The following IPO7 variants were observed in gnomAD, a reference collection of about 807,000 sequenced individuals.
IPO7 encodes the protein importin 7.
Under a neutral mutation model 136.4 loss-of-function variants are expected in IPO7, and 13 were observed. The observed-to-expected ratio is 0.10, with a 90% CI of 0.06 to 0.15. IPO7 has a LOEUF of 0.15. IPO7 is among the 10% of genes least tolerant of loss of function. IPO7 has a pLI of 1.00. For synonymous variants in IPO7, 403 were observed against 404.4 expected, an observed-to-expected ratio of 1.00 and a Z score of 0.04; for missense variants, 857 against 1,240.6, an observed-to-expected ratio of 0.69 and a Z score of 4.65.
chr11:9,392,759 G>A (rs1220090270), intron 1 of IPO7, among the ~76,000 whole-genome samples: 2 of 151,888 alleles, frequency 1.3e-5, no homozygotes, highest in Non-Finnish European at 2.9e-5. Flanking sequence ...GACCAGCCTG[G>A]TCAACATGGC....
chr11:9,440,463 G>A lies in IPO7; in HGVS notation c.2704G>A (p.Gly902Arg), dbSNP rs1381815089. The change falls in exon 23 of 25, where the codon GGG becomes AGG. Residue 902 changes from glycine (G) to arginine (R), a missense_variant. Transcript: ENST00000379719. ...ATATTATGACTTGGCAGAGGAACTGGGGAGTGATGAAGATGATATTGATGA... is the reference window on the plus strand; with the variant it reads ...ATATTATGACTTGGCAGAGGAACTGAGGAGTGATGAAGATGATATTGATGA... Reference protein sequence around the residue: ...AEDDDETEELGSDEDDIDEDG... With the variant: ...AEDDDETEELRSDEDDIDEDG... The A allele has an allele frequency of 6.2e-7, 1 of 1,612,896 alleles. No homozygotes were observed. The highest frequency in any genetic ancestry group is 1.3e-5 in the African/African-American group (1 of 74,900).
intron 22 of IPO7, 50 bp downstream of exon 22, chr11:9,438,335 T>C: frequency 1.7e-6 from 2 of 1,200,344 alleles, no homozygotes; most frequent in Non-Finnish European, 2.5e-6. Context: ...TTAGAAATAT[T>C]ACCGCACTGG....
In IPO7 at chr11:9,397,361, T is replaced by TATATATATTA. The variant is rs377148636; in HGVS notation, c.85-5925_85-5924insATATTAATAT. 3.4e-3 allele frequency among the ~76,000 whole-genome samples: 141 copies of TATATATATTA among 42,042 alleles called. 12 individuals are homozygous for TATATATATTA. The highest frequency in any genetic ancestry group is 0.026 in the Middle Eastern group (2 of 78). The allele number at this position is 42,042 out of a possible 152,430, so 27.6% of individuals were successfully genotyped here. ...AAAAAAATATATATATATATATATA[T>TATATATATTA]ATATTAGTCGGGCACGGTGGCAGGT... is the stretch of plus-strand genomic sequence containing the variant. On this transcript the variant is annotated intron_variant, in intron 1 of 24. Transcript: ENST00000379719.
At position 9,442,063 on chromosome 11, in the gene IPO7, G is replaced by A. The variant is rs752777566; in HGVS notation, c.2903-18G>A. The A allele has an allele frequency of 4.1e-6, 5 of 1,234,378 alleles. No individual in the cohort carries two copies. Among genetic ancestry groups the A allele is most frequent in the African/African-American group, 1.5e-5 (1 of 67,304 alleles). 76.5% of individuals were successfully genotyped at this position (1,234,378 alleles called of 1,614,324 possible). A position where few individuals can be genotyped will look rare whatever the true frequency, so the allele number is the denominator to read the frequency against. On this transcript the variant is annotated intron_variant, in intron 23 of 24. Transcript: ENST00000379719. ...CTCTTATTCATGTTGTTTTTCCCTTGTTTTTATTTTTTGATAGCTATTCAA... is the reference window on the plus strand; with the variant it reads ...CTCTTATTCATGTTGTTTTTCCCTTATTTTTATTTTTTGATAGCTATTCAA...
intron 9 of IPO7, among the ~76,000 whole-genome samples, chr11:9,423,523 A>C (rs1308543246): frequency 6.6e-6 from 1 of 152,172 alleles, no homozygotes; most frequent in Non-Finnish European, 1.5e-5. Flanking sequence ...GAGCTGTAGA[A>C]TTTTATAGAC....
At chr11:9,386,605 T>C (rs1854554998) in intron 1 of IPO7, among the ~76,000 whole-genome samples, 1 of 152,160 alleles carries the variant, frequency 6.6e-6, no homozygotes, top group Non-Finnish European at 1.5e-5. Context: ...GGTTTGCTTC[T>C]ACAAAAATGG....
intron 1 of IPO7, among the ~76,000 whole-genome samples, chr11:9,392,973 G>A (rs1403514586): frequency 6.6e-6 from 1 of 151,778 alleles, no homozygotes; most frequent in African/African-American, 2.4e-5. Flanking sequence ...AAAGTTACGG[G>A]TTTGAAGAGT....
intron 16 of IPO7, among the ~76,000 whole-genome samples, chr11:9,431,405 A>T (rs1855292122): frequency 6.6e-6 from 1 of 151,874 alleles, no homozygotes. Context: ...CATCACTACC[A>T]TCTTCCTAGT....
At chr11:9,439,893 ATT>A (rs1258387939) in intron 22 of IPO7, among the ~76,000 whole-genome samples, 2 of 152,130 alleles carry the variant, frequency 1.3e-5, no homozygotes, top group African/African-American at 4.8e-5. Flanking sequence ...TTTTCATTTT[ATT>A]TTTAAGCTTC....
chr11:9,429,789 T>C lies in IPO7; in HGVS notation c.1707T>C (p.Tyr569=). 1 of 1,605,186 alleles carries C rather than the reference T, an allele frequency of 6.2e-7. No homozygotes were observed. The highest frequency in any genetic ancestry group is 8.5e-7 in the Non-Finnish European group (1 of 1,175,782). The part of the protein sequence containing the change: ...TNVIQKMICE[Y]SEEVTPIAVE... ...TAATTCAGAAAATGATCTGTGAATA[T>C]AGTGAAGAAGTTACTCCTATTGCAG... Residue 569 remains tyrosine, a synonymous_variant, in exon 15 of 25, where the codon TAT becomes TAC. Coordinates refer to ENST00000379719, the MANE Select transcript of IPO7 (RefSeq NM_006391.3).
chr11:9,443,089 A>AG (rs1305472756), intron 24 of IPO7, among the ~76,000 whole-genome samples: 1 of 152,018 alleles, frequency 6.6e-6, no homozygotes, highest in African/African-American at 2.4e-5. Flanking sequence ...TTGTAATCCC[A>AG]GCTACTTGGG....
chr11:9,392,841 C>G (rs765351997), intron 1 of IPO7, among the ~76,000 whole-genome samples: 2 of 150,506 alleles, frequency 1.3e-5, no homozygotes, highest in Non-Finnish European at 2.9e-5. Flanking sequence ...CCCAGCTACT[C>G]AGGAGGCTGA....
chr11:9,426,499 T>G (rs1855210177), intron 12 of IPO7, among the ~76,000 whole-genome samples: 1 of 152,212 alleles, frequency 6.6e-6, no homozygotes, highest in South Asian at 2.1e-4. Context: ...ACATACGTTT[T>G]CATTTTTCAT....
rs1402678358 is a variant in IPO7, at chr11:9,433,634, T to C, written c.1946T>C (p.Leu649Ser). ...VIGTVLQQHV[L>S]EFYEEIFSLA... is the part of the protein sequence containing the mutation. ...GGTACTGTTTTACAACAGCATGTCT[T>C]AGGTATTATACCTCTGATTGTGCTA... The change falls in exon 17 of 25, where the codon TTA becomes TCA. Residue 649 changes from leucine (L) to serine (S), a missense_variant and splice_region_variant. Around this residue, in one of 11 missense-constraint regions of IPO7, gnomAD observed 190 missense variants for 249.0 expected, o/e 0.76. Transcript: ENST00000379719. 1.9e-6 allele frequency: 3 copies of C among 1,612,816 alleles called. No homozygotes were observed. The highest frequency in any genetic ancestry group is 2.5e-6 in the Non-Finnish European group (3 of 1,179,648).
At chr11:9,398,573 T>C (rs1324721235) in intron 1 of IPO7, among the ~76,000 whole-genome samples, 1 of 152,222 alleles carries the variant, frequency 6.6e-6, no homozygotes, top group Non-Finnish European at 1.5e-5. Flanking sequence ...TGAAGTCATG[T>C]GTTTCTTTTT....
Position 9,430,782 on chromosome 11 carries a change from C to T in IPO7, c.1753-93C>T, listed in dbSNP as rs1000283499. 7.4e-6 allele frequency: 7 copies of T among 949,186 alleles called. No individual in the cohort carries two copies. In the Admixed American group the frequency reaches 1.1e-4, roughly 15 times the overall value. The allele number at this position is 949,186 out of a possible 1,614,324, so 58.8% of individuals were successfully genotyped here. A position where few individuals can be genotyped will look rare whatever the true frequency, so the allele number is the denominator to read the frequency against. On this transcript the variant is annotated intron_variant, in intron 15 of 24. Coordinates refer to ENST00000379719, the MANE Select transcript of IPO7 (RefSeq NM_006391.3). Reference sequence around the variant, plus strand: ...GGAGACATTGATTTGTTGTGGTATCCCAATGAGAACGTTCTAAGAATTAAA... The same window carrying T: ...GGAGACATTGATTTGTTGTGGTATCTCAATGAGAACGTTCTAAGAATTAAA...
chr11:9,415,380 T>TA (rs1855026028), intron 5 of IPO7, among the ~76,000 whole-genome samples: 3 of 152,048 alleles, frequency 2.0e-5, no homozygotes, highest in Admixed American at 6.6e-5. Context: ...AGTTGAAGTC[T>TA]AACACATACT....
At position 9,446,019 on chromosome 11, in the gene IPO7, A is replaced by G. The variant is rs1453674622; in HGVS notation, c.*825A>G. Reference sequence around the variant, plus strand: ...GGGTTAGTGGTATTTCATTGCTGCTAAAAATGACAACTCCCTCTGTGTCCT... The same window carrying G: ...GGGTTAGTGGTATTTCATTGCTGCTGAAAATGACAACTCCCTCTGTGTCCT... On this transcript the variant is annotated 3_prime_UTR_variant, in exon 25 of 25. Coordinates refer to ENST00000379719, the MANE Select transcript of IPO7 (RefSeq NM_006391.3). 4 of 152,186 alleles carry G rather than the reference A, an allele frequency of 2.6e-5. No individual in the cohort carries two copies. The highest frequency in any genetic ancestry group is 1.3e-4 in the Admixed American group (2 of 15,272). The allele number at this position is 152,186 out of a possible 1,614,324, so 9.4% of individuals were successfully genotyped here.
intron 22 of IPO7, among the ~76,000 whole-genome samples, chr11:9,438,833 C>T (rs1855420690): frequency 6.6e-6 from 1 of 152,142 alleles, no homozygotes; most frequent in Non-Finnish European, 1.5e-5. Context: ...TACACATTCT[C>T]AGCACTGTAG....
Sources: gnomAD v4.1 joint callset for allele counts (sites outside exome capture counted in the v4.1 genomes callset) on GRCh38, gnomAD v4.1.1 for gene constraint, gnomAD v4.1.1 regional missense constraint, MANE v1.5 for transcripts, NCBI Gene and HGNC (gene_info 2026-07-23, HGNC 2026-07-21) for gene names.